ZNF516: variants seen among roughly 807,000 people sequenced by gnomAD.
The protein encoded by ZNF516 is zinc finger protein 516.
In ZNF516, 19 loss-of-function variants were observed where a neutral mutation model predicts 79.7. The ratio of observed to expected loss-of-function variants is 0.24; its 90% CI spans 0.17 to 0.35. ZNF516 has a LOEUF of 0.35. Among genes scored for constraint, ZNF516 ranks in the 10% least tolerant of loss-of-function variants. The probability of loss-of-function intolerance (pLI) is 1.00; values close to 1 mark genes in which losing one functional copy is unlikely to be tolerated. For missense variants in ZNF516, 1,678 were observed against 1,679.5 expected (o/e 1.00, Z 0.02); for synonymous variants, 877 against 739.5 (o/e 1.19, Z -3.02).
intron 3 of ZNF516, among the ~76,000 whole-genome samples, chr18:76,433,029 T>G (rs59191736): frequency 0.062 from 9,402 of 152,204 alleles, 357 homozygotes; most frequent in Middle Eastern, 0.12. Flanking sequence ...AGTCCACACA[T>G]CCTGAGTGGC....
intron 3 of ZNF516, among the ~76,000 whole-genome samples, chr18:76,403,596 C>T (rs1450706501): frequency 1.3e-5 from 2 of 152,194 alleles, no homozygotes; most frequent in Non-Finnish European, 2.9e-5. Flanking sequence ...GTACCTCCTA[C>T]AACCAAATAC....
chr18:76,404,447 ATGTG>A, intron 3 of ZNF516, among the ~76,000 whole-genome samples: 1 of 152,226 alleles, frequency 6.6e-6, no homozygotes, highest in African/African-American at 2.4e-5. Context: ...AAGAGTGTGC[ATGTG>A]TGTGAGCAAG....
chr18:76,404,208 G>A (rs1487619376), intron 3 of ZNF516, among the ~76,000 whole-genome samples: 5 of 152,246 alleles, frequency 3.3e-5, no homozygotes, highest in Non-Finnish European at 7.3e-5. Context: ...ACATGGTATC[G>A]CCCTCTTCCA....
intron 6 of ZNF516, among the ~76,000 whole-genome samples, chr18:76,364,206 G>A (rs1189286556): frequency 6.6e-6 from 1 of 152,222 alleles, no homozygotes; most frequent in Admixed American, 6.5e-5. Flanking sequence ...CAGATGCAGA[G>A]ACGCCCATTT....
chr18:76,406,985 T>C (rs983244017), intron 3 of ZNF516, among the ~76,000 whole-genome samples: 2 of 152,160 alleles, frequency 1.3e-5, no homozygotes, highest in African/African-American at 4.8e-5. Context: ...ACACAGTGCG[T>C]CTCCGTCCAC....
chr18:76,379,176 C>T lies in ZNF516; in HGVS notation c.2938G>A (p.Ala980Thr). 1 of 1,612,922 alleles carries T rather than the reference C, an allele frequency of 6.2e-7. No individual in the cohort carries two copies. Among genetic ancestry groups the T allele is most frequent in the South Asian group, 1.1e-5 (1 of 91,086 alleles). ...APDSLKAKFS[A>T]QPQGPPPAKG... ...GCAGGAGGTGGACCCTGAGGCTGAG[C>T]ACTGAATTTGGCTTTCAGGGAGTCC... Residue 980 changes from alanine (A) to threonine (T), a missense_variant, in exon 4 of 7, where the codon GCT becomes ACT. By Grantham distance (58) the Ala-to-Thr change is moderately conservative. Coordinates refer to ENST00000443185, the MANE Select transcript of ZNF516 (RefSeq NM_014643.4).
At chr18:76,475,482 C>A (rs182903353) in intron 1 of ZNF516, among the ~76,000 whole-genome samples, 1 of 152,292 alleles carries the variant, frequency 6.6e-6, no homozygotes, top group Admixed American at 6.5e-5. Context: ...AAAATTCCAC[C>A]TCGGGGAACT....
chr18:76,382,042 G>A (rs2074900651), intron 3 of ZNF516, among the ~76,000 whole-genome samples: 1 of 152,208 alleles, frequency 6.6e-6, no homozygotes, highest in South Asian at 2.1e-4. Flanking sequence ...TGAGGCAGGA[G>A]AATCGCTTGA....
Position 76,459,635 on chromosome 18 carries a change from C to T in ZNF516, c.-158+3393G>A, listed in dbSNP as rs1259185257. On this transcript the variant is annotated intron_variant, in intron 2 of 6. Coordinates refer to ENST00000443185, the MANE Select transcript of ZNF516 (RefSeq NM_014643.4). This position sits in a 1 kb window ranked among gnomAD's most constrained non-coding sequence, Gnocchi z 5.0. Reference sequence around the variant, plus strand: ...TTAAATGTCCAGCAGCTCCACAGCCCGAGTCAGAGTGGCCCAGCCTCCCCT... The same window carrying T: ...TTAAATGTCCAGCAGCTCCACAGCCTGAGTCAGAGTGGCCCAGCCTCCCCT... 6.6e-6 allele frequency among the ~76,000 whole-genome samples: 1 copy of T among 152,292 alleles called. No homozygotes were observed. Among genetic ancestry groups the T allele is most frequent in the Non-Finnish European group, 1.5e-5 (1 of 68,022 alleles).
chr18:76,452,210 T>C (rs1912456719), intron 2 of ZNF516, among the ~76,000 whole-genome samples: 1 of 152,190 alleles, frequency 6.6e-6, no homozygotes, highest in Non-Finnish European at 1.5e-5. Flanking sequence ...ACAGACCTGA[T>C]GTGGGGGCAG....
intron 1 of ZNF516, among the ~76,000 whole-genome samples, chr18:76,479,168 G>A (rs1461440118): frequency 2.0e-5 from 3 of 152,154 alleles, no homozygotes; most frequent in Admixed American, 1.3e-4. Context: ...CCATTGGTGC[G>A]ATCTTAAGAG....
chr18:76,460,541 A>G (rs1913035132), intron 2 of ZNF516, among the ~76,000 whole-genome samples: 1 of 152,186 alleles, frequency 6.6e-6, no homozygotes, highest in South Asian at 2.1e-4. Flanking sequence ...ACAAAGCAAG[A>G]GGCCACACCA....
chr18:76,405,451 G>A (rs934575895), intron 3 of ZNF516, among the ~76,000 whole-genome samples: 1 of 152,170 alleles, frequency 6.6e-6, no homozygotes, highest in Non-Finnish European at 1.5e-5. Flanking sequence ...GGCAACGGCA[G>A]GAGACTCCGC....
Position 76,493,025 on chromosome 18 carries a change from A to C in ZNF516, c.-272+2119T>G, listed in dbSNP as rs926016249. On this transcript the variant is annotated intron_variant, in intron 1 of 6. Coordinates refer to ENST00000443185, the MANE Select transcript of ZNF516 (RefSeq NM_014643.4). This position sits in a 1 kb window ranked among gnomAD's most constrained non-coding sequence, Gnocchi z 5.2. ...CCCAAATTACCTCCGGGATGGAGAAAGCCGCTGCGGATTGGCCAGCAGAGC... is the reference window on the plus strand; with the variant it reads ...CCCAAATTACCTCCGGGATGGAGAACGCCGCTGCGGATTGGCCAGCAGAGC... 6.1e-6 allele frequency: 6 copies of C among 985,302 alleles called. No individual in the cohort carries two copies. The highest frequency in any genetic ancestry group is 6.0e-6 in the Non-Finnish European group (5 of 830,006). The allele number at this position is 985,302 out of a possible 1,614,324, so 61.0% of individuals were successfully genotyped here. A position where few individuals can be genotyped will look rare whatever the true frequency, so the allele number is the denominator to read the frequency against.
intron 2 of ZNF516, among the ~76,000 whole-genome samples, chr18:76,449,766 T>A (rs1912280685): frequency 6.6e-6 from 1 of 152,226 alleles, no homozygotes; most frequent in South Asian, 2.1e-4. Flanking sequence ...ACTTGGTCAC[T>A]GGCAATGACA....
At chr18:76,444,797 G>A (rs896196687) in intron 2 of ZNF516, among the ~76,000 whole-genome samples, 1 of 152,152 alleles carries the variant, frequency 6.6e-6, no homozygotes, top group Non-Finnish European at 1.5e-5. Flanking sequence ...AACTCCCGAG[G>A]GCCCAGATAA....
Position 76,492,990 on chromosome 18 carries a change from A to T in ZNF516, c.-272+2154T>A, listed in dbSNP as rs1459876906. ...CTCATGCACGCGCACGCGCGCGCTC[A>T]CACACACACCCCAAATTACCTCCGG... On this transcript the variant is annotated intron_variant, in intron 1 of 6. Transcript: ENST00000443185. The T allele has an allele frequency of 5.1e-6, 5 of 985,302 alleles. No individual in the cohort carries two copies. The African/African-American group carries it at 8.7e-5, about 17-fold the overall frequency. The allele number at this position is 985,302 out of a possible 1,614,324, so 61.0% of individuals were successfully genotyped here.
intron 2 of ZNF516, among the ~76,000 whole-genome samples, chr18:76,445,409 TATG>T (rs1911984028): frequency 6.6e-6 from 1 of 152,224 alleles, no homozygotes; most frequent in African/African-American, 2.4e-5. Flanking sequence ...TGTAATGATT[TATG>T]ATGATTTTAC....
At chr18:76,478,647 A>T (rs1037217961) in intron 1 of ZNF516, among the ~76,000 whole-genome samples, 2 of 152,254 alleles carry the variant, frequency 1.3e-5, no homozygotes, top group South Asian at 4.1e-4. Flanking sequence ...AAAAGCAGAA[A>T]AACTTTTTCT....
Sources: allele counts gnomAD v4.1 joint callset (sites outside exome capture counted in the v4.1 genomes callset), GRCh38; gene constraint gnomAD v4.1.1; non-coding constraint Gnocchi (gnomAD v3.1); transcripts MANE v1.5; gene names NCBI Gene and HGNC (gene_info 2026-07-23, HGNC 2026-07-21).